DPAGT1: variants seen among roughly 807,000 people sequenced by gnomAD.
DPAGT1 encodes dolichyl-phosphate N-acetylglucosaminephosphotransferase 1.
DPAGT1 carries 25 observed loss-of-function variants against 39.3 expected under a neutral mutation model. The observed-to-expected ratio is 0.64, with a 90% CI of 0.46 to 0.89. The LOEUF (loss-of-function observed/expected upper bound fraction) is 0.89, where lower values mean the gene tolerates loss of function less well. DPAGT1 is among the 40% of genes least tolerant of loss of function. The pLI is 0.00. For missense variants in DPAGT1, 381 were observed against 500.6 expected, an observed-to-expected ratio of 0.76 and a Z score of 2.28; for synonymous variants, 193 against 201.4, an observed-to-expected ratio of 0.96 and a Z score of 0.36.
At chr11:119,098,981 G>A (rs1253849070) in intron 4 of DPAGT1, among the ~76,000 whole-genome samples, 1 of 152,194 alleles carries the variant, frequency 6.6e-6, no homozygotes, top group Admixed American at 6.5e-5. Context: ...TTGTAAAAAG[G>A]GAGACTTCAG....
rs1410061070 is a variant in DPAGT1 at position 119,097,938 on chromosome 11, G to A, written c.834C>T (p.Phe278=). ...GGAAGTTGAACACCTGGGGCATGAA[G>A]AATAGTAGCATGGTCTTGCTGAAGT... ...LGHFSKTMLL[F]FMPQVFNFLY... The change falls in exon 6 of 9, where the codon TTC becomes TTT. Residue 278 remains phenylalanine, a synonymous_variant. Coordinates refer to ENST00000354202, the MANE Select transcript of DPAGT1 (RefSeq NM_001382.4). The surrounding 1 kb of genome is among the most constrained non-coding windows in gnomAD (Gnocchi z 4.6). 1 of 1,614,212 alleles carries A rather than the reference G, an allele frequency of 6.2e-7. No individual in the cohort carries two copies. The highest frequency in any genetic ancestry group is 8.5e-7 in the Non-Finnish European group (1 of 1,180,050).
Position 119,097,556 on chromosome 11 carries a change from G to A in DPAGT1, c.918-5C>T, listed in dbSNP as rs191573465. ...TTGCCTGTCTTGATATTGAGTCTGC[G>A]GGGGGAAGATAGCTTCATGTGACTG... On this transcript the variant is annotated splice_polypyrimidine_tract_variant and splice_region_variant and intron_variant, in intron 6 of 8. Coordinates refer to ENST00000354202, the MANE Select transcript of DPAGT1 (RefSeq NM_001382.4). The surrounding 1 kb of genome is among the most constrained non-coding windows in gnomAD (Gnocchi z 4.6). The A allele has an allele frequency of 2.5e-4, 403 of 1,614,078 alleles. No homozygotes were observed. The African/African-American group carries it at 3.8e-3, about 15-fold the overall frequency.
chr11:119,100,141 T>C, intron 4 of DPAGT1, 121 bp downstream of exon 4: 1 of 1,472,188 alleles, frequency 6.8e-7, no homozygotes, highest in South Asian at 1.1e-5. Flanking sequence ...AGTAAGTAGC[T>C]TCCCTTATCT....
At position 119,097,512 on chromosome 11, in the gene DPAGT1, GGA is replaced by G; in HGVS notation, c.955_956del (p.Ser319GlnfsTer30). On this transcript the variant is annotated frameshift_variant, in exon 7 of 9. Transcript: ENST00000354202. LOFTEE classifies it high-confidence loss of function. The surrounding 1 kb of genome is among the most constrained non-coding windows in gnomAD (Gnocchi z 4.6). The stretch of plus-strand genomic sequence containing the variant: ...AAGAGAGGCTCTTGGTCTTGAACTT[GGA>G]ATAGCTCATCTCCAGTTTGCCTGTC... ...IKTGKLEMSY[S>X]KFKTKSLSFL... The G allele has an allele frequency of 6.2e-7, 1 of 1,614,160 alleles. No individual in the cohort carries two copies. Among genetic ancestry groups the G allele is most frequent in the Non-Finnish European group, 8.5e-7 (1 of 1,180,036 alleles).
chr11:119,100,889 C>A, intron 2 of DPAGT1, 46 bp from the exon 3 acceptor site: 1 of 1,613,862 alleles, frequency 6.2e-7, no homozygotes, highest in Non-Finnish European at 8.5e-7. Context: ...TGCTCCCATT[C>A]CACCTTTTAA....
Position 119,096,899 on chromosome 11 carries a change from G to C in DPAGT1, c.*99C>G. Reference sequence around the variant, plus strand: ...AAATCTGGAGGAGTATGAAGAGTGAGAGAGGCCTGGGCAAGGAGGCAGTCT... The same window carrying C: ...AAATCTGGAGGAGTATGAAGAGTGACAGAGGCCTGGGCAAGGAGGCAGTCT... On this transcript the variant is annotated 3_prime_UTR_variant, in exon 9 of 9. Transcript: ENST00000354202. 1 of 1,362,102 alleles carries C rather than the reference G, an allele frequency of 7.3e-7. No homozygotes were observed. The highest frequency in any genetic ancestry group is 1.9e-5 in the Admixed American group (1 of 53,312). The allele number at this position is 1,362,102 out of a possible 1,614,324, so 84.4% of individuals were successfully genotyped here.
In DPAGT1 at chr11:119,097,097, G is replaced by A. The variant is rs751482631; in HGVS notation, c.1162-34C>T. 2.2e-5 allele frequency: 35 copies of A among 1,614,216 alleles called. No homozygotes were observed. The highest frequency in any genetic ancestry group is 1.6e-4 in the Middle Eastern group (1 of 6,062). On this transcript the variant is annotated intron_variant, in intron 8 of 8. Transcript: ENST00000354202. The surrounding 1 kb of genome is among the most constrained non-coding windows in gnomAD (Gnocchi z 4.6). ...AGAAATGGACTGGAGTAAGAATCACGCAGAAAGGGAGACACGGAGGTATAA... is the reference window on the plus strand; with the variant it reads ...AGAAATGGACTGGAGTAAGAATCACACAGAAAGGGAGACACGGAGGTATAA...
intron 1 of DPAGT1, 128 bp from the exon 2 acceptor site, chr11:119,101,266 G>A (rs1340777967): frequency 2.0e-5 from 28 of 1,420,532 alleles, no homozygotes; most frequent in South Asian, 2.4e-5. Flanking sequence ...AGTGGTGAGG[G>A]GGGCGGAGGG....
chr11:119,095,490 C>T (rs1342018367), downstream of DPAGT1: 3 of 1,306,250 alleles, frequency 2.3e-6, no homozygotes, highest in Non-Finnish European at 3.1e-6. Flanking sequence ...GCGAGGCCGC[C>T]TTTATAAGCC....
At position 119,096,867 on chromosome 11, in the gene DPAGT1, G is replaced by C; in HGVS notation, c.*131C>G. On this transcript the variant is annotated 3_prime_UTR_variant, in exon 9 of 9. Coordinates refer to ENST00000354202, the MANE Select transcript of DPAGT1 (RefSeq NM_001382.4). Reference sequence around the variant, plus strand: ...ATGATCACAGAGAAAGGAAAATGCTGAGAACAAAATCTGGAGGAGTATGAA... The same window carrying C: ...ATGATCACAGAGAAAGGAAAATGCTCAGAACAAAATCTGGAGGAGTATGAA... 4 of 1,103,244 alleles carry C rather than the reference G, an allele frequency of 3.6e-6. No homozygotes were observed. The highest frequency in any genetic ancestry group is 5.4e-6 in the Non-Finnish European group (4 of 742,116). 68.3% of individuals were successfully genotyped at this position (1,103,244 alleles called of 1,614,324 possible).
downstream of DPAGT1, chr11:119,095,479 C>T (rs1313268540): frequency 2.6e-5 from 36 of 1,397,058 alleles, no homozygotes; most frequent in Non-Finnish European, 2.9e-5. Context: ...GCGCGCGCGC[C>T]GCGAGGCCGC....
Position 119,097,175 on chromosome 11 carries a change from C to T in DPAGT1, c.1128G>A (p.Glu376=). Reference sequence around the variant, plus strand: ...GCAGCAGGAGCAATGTGAGGTTTCTCTCATGTATGGGCCCAAGGACTTTAA... The same window carrying T: ...GCAGCAGGAGCAATGTGAGGTTTCTTTCATGTATGGGCCCAAGGACTTTAA... The part of the protein sequence containing the change: ...LLLKVLGPIH[E]RNLTLLLLLL... The change falls in exon 8 of 9, where the codon GAG becomes GAA. Residue 376 remains glutamate, a synonymous_variant. Coordinates refer to ENST00000354202, the MANE Select transcript of DPAGT1 (RefSeq NM_001382.4). The surrounding 1 kb of genome is among the most constrained non-coding windows in gnomAD (Gnocchi z 4.6). 6.2e-7 allele frequency: 1 copy of T among 1,614,164 alleles called. No individual in the cohort carries two copies. The highest frequency in any genetic ancestry group is 8.5e-7 in the Non-Finnish European group (1 of 1,180,026).
In DPAGT1 at chr11:119,101,125, C is replaced by T. The variant is rs1041735569; in HGVS notation, c.175G>A (p.Gly59Arg). Residue 59 changes from glycine to arginine, a missense_variant, in exon 2 of 9, where the codon GGA becomes AGA. By Grantham distance (125) the Gly-to-Arg change is moderately radical. Transcript: ENST00000354202. ...TSRQQIPESQ[G>R]VISGAVFLII... The stretch of plus-strand genomic sequence containing the variant: ...AGGAAAACAGCACCGCTGATCACTC[C>T]CTGGGATTCTGGGCTGTGGCCCAGC... 4.3e-6 allele frequency: 7 copies of T among 1,613,928 alleles called. No homozygotes were observed. Among genetic ancestry groups the T allele is most frequent in the Non-Finnish European group, 5.9e-6 (7 of 1,180,028 alleles).
chr11:119,101,833 C>A lies in DPAGT1; in HGVS notation c.-178G>T. 2.7e-6 allele frequency: 4 copies of A among 1,482,302 alleles called. No individual in the cohort carries two copies. The South Asian group carries it at 5.3e-5, about 20-fold the overall frequency. The allele number at this position is 1,482,302 out of a possible 1,614,324, so 91.8% of individuals were successfully genotyped here. A position where few individuals can be genotyped will look rare whatever the true frequency, so the allele number is the denominator to read the frequency against. ...CCGCCGTCGGGACACCGGGGAACCT[C>A]TCTAAGGCAACCTATGTTCTGCCCC... On this transcript the variant is annotated 5_prime_UTR_variant, in exon 1 of 9. Coordinates refer to ENST00000354202, the MANE Select transcript of DPAGT1 (RefSeq NM_001382.4).
downstream of DPAGT1, chr11:119,094,963 T>C: frequency 1.2e-6 from 2 of 1,608,316 alleles, no homozygotes; most frequent in Non-Finnish European, 1.7e-6. Flanking sequence ...GCGGGCCCTC[T>C]TAGTACTCCT....
intron 1 of DPAGT1, 99 bp downstream of exon 1, chr11:119,101,396 A>C: frequency 1.2e-6 from 2 of 1,602,936 alleles, no homozygotes. Context: ...GTTAGTTCTG[A>C]GTCTTCACGT....
chr11:119,095,507 A>T, downstream of DPAGT1: 2 of 1,175,518 alleles, frequency 1.7e-6, no homozygotes, highest in Non-Finnish European at 2.3e-6. Context: ...AGCCCCCAGG[A>T]CACACCTCTG....
intron 5 of DPAGT1, 80 bp from the exon 6 acceptor site, chr11:119,098,123 G>T: frequency 6.3e-7 from 1 of 1,578,136 alleles, no homozygotes; most frequent in Non-Finnish European, 8.7e-7. Context: ...TATGGGCACT[G>T]GACTAGCCCT....
chr11:119,100,835 G>C lies in DPAGT1; in HGVS notation c.291C>G (p.Ala97=), dbSNP rs756818317. The C allele has an allele frequency of 9.9e-6, 16 of 1,614,042 alleles. No individual in the cohort carries two copies. In the African/African-American group the frequency reaches 1.7e-4, roughly 18 times the overall value. The change falls in exon 3 of 9, where the codon GCC becomes GCG. Residue 97 remains alanine, a synonymous_variant. Coordinates refer to ENST00000354202, the MANE Select transcript of DPAGT1 (RefSeq NM_001382.4). ...CKAFPHHEFV[A]LIGALLAICC... Reference sequence around the variant, plus strand: ...AGATGGCAAGGAGGGCACCTATCAGGGCCACAAACTGGGGGAGGCTCGGGC... The same window carrying C: ...AGATGGCAAGGAGGGCACCTATCAGCGCCACAAACTGGGGGAGGCTCGGGC...
Sources: gnomAD v4.1 joint callset for allele counts (sites outside exome capture counted in the v4.1 genomes callset) on GRCh38, gnomAD v4.1.1 for gene constraint, Gnocchi (gnomAD v3.1) non-coding constraint, MANE v1.5 for transcripts, NCBI Gene and HGNC (gene_info 2026-07-23, HGNC 2026-07-21) for gene names.